Variants in LTBP1 observed in about 807,000 individuals in gnomAD.
LTBP1 encodes the protein latent-transforming growth factor beta-binding protein 1.
In LTBP1, 129 loss-of-function variants were observed where a neutral mutation model predicts 207.6. The observed-to-expected ratio is 0.62, with a 90% confidence interval of 0.54 to 0.72. The LOEUF is 0.72. Among genes scored for constraint, LTBP1 ranks in the 30% least tolerant of loss-of-function variants. The pLI is 0.00. For synonymous variants in LTBP1, 963 were observed against 833.7 expected (o/e 1.16, Z -2.67); for missense variants, 2,281 against 2,217.2 (o/e 1.03, Z -0.58).
chr2:33,161,225 C>G (rs1049914288), intron 5 of LTBP1, among the ~76,000 whole-genome samples: 24 of 150,754 alleles, frequency 1.6e-4, no homozygotes, highest in African/African-American at 5.4e-4. Flanking sequence ...GTATCTTTCC[C>G]TTACGTAGAG....
chr2:33,041,739 C>G (rs575281651), intron 3 of LTBP1, among the ~76,000 whole-genome samples: 1 of 152,280 alleles, frequency 6.6e-6, no homozygotes, highest in East Asian at 1.9e-4. Flanking sequence ...GCAGGATAGT[C>G]ACCCTTAAAT....
chr2:33,037,526 A>T (rs1284104258), intron 3 of LTBP1, among the ~76,000 whole-genome samples: 1 of 151,398 alleles, frequency 6.6e-6, no homozygotes. Context: ...CATATTTTTG[A>T]CCTCTTTCTA....
At chr2:33,162,607 A>AT (rs2084564106) in intron 5 of LTBP1, among the ~76,000 whole-genome samples, 1 of 152,224 alleles carries the variant, frequency 6.6e-6, no homozygotes, top group East Asian at 1.9e-4. Flanking sequence ...TCAGCTCATG[A>AT]GCAGATGGAA....
At chr2:33,233,230 T>C (rs1268410484) in intron 9 of LTBP1, among the ~76,000 whole-genome samples, 2 of 152,150 alleles carry the variant, frequency 1.3e-5, no homozygotes, top group African/African-American at 4.8e-5. Context: ...TTATTCTCTT[T>C]TTCGCTGCAT....
Position 33,188,619 on chromosome 2 carries a change from C to T in LTBP1, c.1469C>T (p.Pro490Leu), listed in dbSNP as rs1398163623. The T allele has an allele frequency of 1.9e-6, 3 of 1,613,900 alleles. No homozygotes were observed. The highest frequency in any genetic ancestry group is 1.3e-5 in the African/African-American group (1 of 74,998). The change falls in exon 7 of 34, where the codon CCT becomes CTT. Residue 490 changes from proline to leucine, a missense_variant. Coordinates refer to ENST00000404816, the MANE Select transcript of LTBP1 (RefSeq NM_206943.4). Reference sequence around the variant, plus strand: ...ATAGTCAATATCCATGTGAAACATCCTCCTGAAGCTTCCGTCCAGATACAT... The same window carrying T: ...ATAGTCAATATCCATGTGAAACATCTTCCTGAAGCTTCCGTCCAGATACAT... ...PNIVNIHVKH[P>L]PEASVQIHQV...
chr2:33,194,518 G>C lies in LTBP1; in HGVS notation c.1701+5667G>C, dbSNP rs1369357470. The stretch of plus-strand genomic sequence containing the variant: ...AATGTTTGAGAGAGGTCTAGAACCA[G>C]CCACAACATTCTCTTCAGCCAGAGC... On this transcript the variant is annotated intron_variant, in intron 7 of 33. Transcript: ENST00000404816. 3.3e-5 allele frequency among the ~76,000 whole-genome samples: 5 copies of C among 152,190 alleles called. No homozygotes were observed. The East Asian group carries it at 9.6e-4, about 29-fold the overall frequency.
intron 15 of LTBP1, among the ~76,000 whole-genome samples, chr2:33,267,777 A>G: frequency 6.6e-6 from 1 of 152,234 alleles, no homozygotes; most frequent in East Asian, 1.9e-4. Context: ...CAGTTAGGTA[A>G]ATGCAGTTTC....
chr2:33,297,006 G>A (rs560413210), intron 20 of LTBP1, among the ~76,000 whole-genome samples: 10 of 152,272 alleles, frequency 6.6e-5, no homozygotes, highest in South Asian at 2.1e-4. Flanking sequence ...ACAAAGTTTC[G>A]TTAAAGCCAA....
intron 20 of LTBP1, among the ~76,000 whole-genome samples, chr2:33,296,155 T>C (rs2093871489): frequency 6.6e-6 from 1 of 152,234 alleles, no homozygotes; most frequent in African/African-American, 2.4e-5. Context: ...TTAGGAGTCA[T>C]GGTTAATCTT....
intron 14 of LTBP1, 26 bp from the exon 15 acceptor site, chr2:33,263,268 T>G (rs1434119512): frequency 4.8e-6 from 7 of 1,463,838 alleles, no homozygotes; most frequent in Admixed American, 1.7e-5. Flanking sequence ...TTTAATTTTC[T>G]TTTTATCCTC....
chr2:33,275,649 A>G, intron 17 of LTBP1, 152 bp from the exon 18 acceptor site: 3 of 861,930 alleles, frequency 3.5e-6, no homozygotes, highest in Non-Finnish European at 5.4e-6. Context: ...ACACCATTGC[A>G]CTCCAGCCTG....
At chr2:33,370,543 A>G (rs1399683453) in intron 31 of LTBP1, among the ~76,000 whole-genome samples, 2 of 152,232 alleles carry the variant, frequency 1.3e-5, no homozygotes, top group African/African-American at 2.4e-5. Flanking sequence ...GCCATCTAAT[A>G]GCATCTAACT....
intron 2 of LTBP1, among the ~76,000 whole-genome samples, chr2:32,972,402 G>C (rs1011211172): frequency 6.6e-6 from 1 of 151,660 alleles, no homozygotes; most frequent in African/African-American, 2.4e-5. Context: ...TTGTTAATTT[G>C]AGATCTATTT....
intron 12 of LTBP1, among the ~76,000 whole-genome samples, chr2:33,259,312 T>G (rs1401623754): frequency 6.6e-6 from 1 of 152,232 alleles, no homozygotes; most frequent in Non-Finnish European, 1.5e-5. Flanking sequence ...AAGTATTGCC[T>G]TCTTCTTTTA....
At chr2:33,293,791 A>G (rs1050454737) in intron 20 of LTBP1, among the ~76,000 whole-genome samples, 1 of 152,204 alleles carries the variant, frequency 6.6e-6, no homozygotes. Context: ...TCTATGTATA[A>G]TTTTATATCT....
chr2:33,052,052 G>T (rs920369532), intron 3 of LTBP1, among the ~76,000 whole-genome samples: 1 of 152,192 alleles, frequency 6.6e-6, no homozygotes, highest in Non-Finnish European at 1.5e-5. Context: ...TGACTTTTAG[G>T]GTTACAGCCT....
intron 5 of LTBP1, among the ~76,000 whole-genome samples, chr2:33,163,968 T>A (rs77110027): frequency 1.3e-5 from 2 of 149,698 alleles, no homozygotes; most frequent in African/African-American, 2.5e-5. Context: ...TTGATTCTTA[T>A]TTTTTTTTTC....
intron 4 of LTBP1, among the ~76,000 whole-genome samples, chr2:33,119,420 T>G (rs930867786): frequency 1.3e-5 from 2 of 152,194 alleles, no homozygotes; most frequent in Non-Finnish European, 2.9e-5. Flanking sequence ...CATGAGATGT[T>G]TCCCAGGGAC....
intron 22 of LTBP1, among the ~76,000 whole-genome samples, chr2:33,302,667 G>A (rs2094007719): frequency 6.6e-6 from 1 of 152,162 alleles, no homozygotes; most frequent in African/African-American, 2.4e-5. Flanking sequence ...AGGCCTTAAA[G>A]TGTATACTGT....
Sources: allele counts gnomAD v4.1 joint callset (sites outside exome capture counted in the v4.1 genomes callset), GRCh38; gene constraint gnomAD v4.1.1; transcripts MANE v1.5; gene names NCBI Gene and HGNC (gene_info 2026-07-23, HGNC 2026-07-21).